Variants in NEO1 observed in about 807,000 individuals in gnomAD.
NEO1 encodes the protein neogenin 1.
NEO1 carries 63 observed loss-of-function variants against 159.7 expected under a neutral mutation model. The observed-to-expected ratio is 0.39, with a 90% CI of 0.32 to 0.49. NEO1 has a LOEUF of 0.49. NEO1 is among the 20% of genes least tolerant of loss of function. NEO1 has a pLI of 0.85. For missense variants in NEO1, 1,615 were observed against 1,831.0 expected, an observed-to-expected ratio of 0.88 and a Z score of 2.15; for synonymous variants, 633 against 662.0, an observed-to-expected ratio of 0.96 and a Z score of 0.67.
At chr15:73,134,818 A>G (rs766711101) in intron 4 of NEO1, among the ~76,000 whole-genome samples, 8 of 152,202 alleles carry the variant, frequency 5.3e-5, no homozygotes, top group Non-Finnish European at 7.4e-5. Flanking sequence ...AGGCCAGCCT[A>G]TAAGGAATTC....
rs1437625631 is a variant in NEO1 at position 73,249,620 on chromosome 15, G to A, written c.1793G>A (p.Gly598Glu). Residue 598 changes from glycine to glutamate, a missense_variant, in exon 11 of 29, where the codon GGG becomes GAG. Physicochemically the swap from Gly to Glu is moderately conservative, Grantham distance 98. Transcript: ENST00000261908. ...TCAAGTCACTCTTACACCATTAATG[G>A]GTTGAAAAAATATACAGAGTATAGT... ...DVSSHSYTIN[G>E]LKKYTEYSFR... The A allele has an allele frequency of 3.1e-6, 5 of 1,613,220 alleles. No homozygotes were observed. The highest frequency in any genetic ancestry group is 3.4e-6 in the Non-Finnish European group (4 of 1,179,710).
chr15:73,284,452 AT>A (rs2041859561), intron 23 of NEO1, among the ~76,000 whole-genome samples: 1 of 152,020 alleles, frequency 6.6e-6, no homozygotes, highest in East Asian at 1.9e-4. Context: ...AAGTTATGTG[AT>A]ATTTTAAATC....
At chr15:73,155,195 A>G (rs1210276921) in intron 5 of NEO1, among the ~76,000 whole-genome samples, 1 of 151,966 alleles carries the variant, frequency 6.6e-6, no homozygotes, top group East Asian at 1.9e-4. Flanking sequence ...TGGATATAAA[A>G]TTCTTGGCTG....
At position 73,270,080 on chromosome 15, in the gene NEO1, G is replaced by A; in HGVS notation, c.2565G>A (p.Met855Ile). The change falls in exon 17 of 29, where the codon ATG becomes ATA. Residue 855 changes from methionine to isoleucine, a missense_variant. By Grantham distance (10) the Met-to-Ile change is conservative (BLOSUM62 1). Coordinates refer to ENST00000261908, the MANE Select transcript of NEO1 (RefSeq NM_002499.4). The stretch of plus-strand genomic sequence containing the variant: ...CAGTGCCAGATCCCACTCCCATGAT[G>A]CCACCAGTGGGAGTTCAGGCTTCCA... ...YTPVPDPTPM[M>I]PPVGVQASIL... The A allele has an allele frequency of 1.9e-6, 3 of 1,614,068 alleles. No individual in the cohort carries two copies. Among genetic ancestry groups the A allele is most frequent in the East Asian group, 4.5e-5 (2 of 44,878 alleles).
chr15:73,299,885 T>C (rs1241685711), intron 27 of NEO1: 1 of 152,050 alleles, frequency 6.6e-6, no homozygotes, highest in Non-Finnish European at 1.5e-5. Context: ...AAGGGAAGAG[T>C]ATTTTTATAA....
Position 73,270,550 on chromosome 15 carries a change from A to G in NEO1, c.2857+96A>G, listed in dbSNP as rs1376483550. 7.5e-6 allele frequency: 10 copies of G among 1,342,050 alleles called. No individual in the cohort carries two copies. In the East Asian group the frequency reaches 2.0e-4, roughly 26 times the overall value. 83.1% of individuals were successfully genotyped at this position (1,342,050 alleles called of 1,614,324 possible). Reference sequence around the variant, plus strand: ...GACATATTTACAAAACACAGTGAGCAACTACATTTGGAATTCAGTGTTTGC... The same window carrying G: ...GACATATTTACAAAACACAGTGAGCGACTACATTTGGAATTCAGTGTTTGC... On this transcript the variant is annotated intron_variant, in intron 18 of 28. Transcript: ENST00000261908.
chr15:73,263,901 T>C (rs2151003893), intron 15 of NEO1, among the ~76,000 whole-genome samples: 3 of 152,328 alleles, frequency 2.0e-5, no homozygotes, highest in South Asian at 4.1e-4. Flanking sequence ...AATAAAAATG[T>C]CTGGCCAGGC....
At chr15:73,285,120 T>G (rs1044953202) in intron 23 of NEO1, among the ~76,000 whole-genome samples, 58 of 152,136 alleles carry the variant, frequency 3.8e-4, no homozygotes, top group Non-Finnish European at 1.8e-4. Context: ...GACTTCAAAT[T>G]CAAAGTAAAT....
intron 7 of NEO1, chr15:73,222,076 C>T (rs2150762832): frequency 6.6e-6 from 1 of 151,912 alleles, no homozygotes; most frequent in African/African-American, 2.5e-5. Flanking sequence ...ATCTTCACTC[C>T]TCCCCCTGTT....
At chr15:73,296,380 T>A (rs1336161999) in intron 26 of NEO1, among the ~76,000 whole-genome samples, 1 of 152,106 alleles carries the variant, frequency 6.6e-6, no homozygotes, top group African/African-American at 2.4e-5. Flanking sequence ...GATGGCTAGC[T>A]TGAGCAAGCC....
In NEO1 at chr15:73,258,778, G is replaced by T; in HGVS notation, c.2105G>T (p.Gly702Val). 6.2e-7 allele frequency: 1 copy of T among 1,613,760 alleles called. No homozygotes were observed. The highest frequency in any genetic ancestry group is 8.5e-7 in the Non-Finnish European group (1 of 1,179,760). ...LSQLIEGLDR[G>V]TEYNFRVAAL... is the part of the protein sequence containing the mutation. ...CATTTGGTCTCAGGTCTTGATCGGG[G>T]GACTGAGTATAATTTCCGAGTGGCT... Residue 702 changes from glycine to valine, a missense_variant, in exon 14 of 29, where the codon GGG becomes GTG. By Grantham distance (109) the Gly-to-Val change is moderately radical (BLOSUM62 -3). Around this residue, in one of 3 missense-constraint regions of NEO1, gnomAD observed 1,018 missense variants for 1,115.4 expected, o/e 0.91. Transcript: ENST00000261908.
intron 8 of NEO1, among the ~76,000 whole-genome samples, chr15:73,241,926 CAA>C (rs1356535672): frequency 6.6e-6 from 1 of 151,864 alleles, no homozygotes; most frequent in East Asian, 1.9e-4. Flanking sequence ...TAGAAGCAAA[CAA>C]AAAATATATA....
At position 73,244,400 on chromosome 15, in the gene NEO1, T is replaced by G; in HGVS notation, c.1508T>G (p.Leu503Arg). Residue 503 changes from leucine (L) to arginine (R), a missense_variant, in exon 9 of 29, where the codon CTA becomes CGA. Leu to Arg is a moderately radical substitution (Grantham distance 102). Transcript: ENST00000261908. ...PGEMQVTIQN[L>R]MPATVYIFRV... ...GAGATGCAAGTAACCATTCAAAACC[T>G]AATGCCAGCGACCGTGTACATCTTT... 1 of 1,614,026 alleles carries G rather than the reference T, an allele frequency of 6.2e-7. No homozygotes were observed. Among genetic ancestry groups the G allele is most frequent in the Non-Finnish European group, 8.5e-7 (1 of 1,179,952 alleles).
chr15:73,057,201 G>T (rs2067749676), intron 1 of NEO1, among the ~76,000 whole-genome samples: 2 of 152,086 alleles, frequency 1.3e-5, no homozygotes, highest in Non-Finnish European at 2.9e-5. Flanking sequence ...GTGTTTCTTT[G>T]TGAACTCTAA....
intron 1 of NEO1, among the ~76,000 whole-genome samples, chr15:73,076,632 A>G (rs1311374117): frequency 1.3e-5 from 2 of 152,078 alleles, no homozygotes; most frequent in East Asian, 3.9e-4. Flanking sequence ...ACTTCATTCT[A>G]AGTTTGTATT....
intron 27 of NEO1, 137 bp downstream of exon 27, chr15:73,298,748 C>T (rs1347550504): frequency 3.2e-6 from 4 of 1,252,734 alleles, no homozygotes; most frequent in Non-Finnish European, 4.4e-6. Flanking sequence ...ATTCTGTTAG[C>T]GTAGCAGTGT....
rs1432007821 is a variant in NEO1, at chr15:73,270,186, T to C, written c.2671T>C (p.Tyr891His). The change falls in exon 17 of 29, where the codon TAC (tyrosine) becomes CAC (histidine). Residue 891 changes from tyrosine (Y) to histidine (H), a missense_variant. Coordinates refer to ENST00000261908, the MANE Select transcript of NEO1 (RefSeq NM_002499.4). Reference sequence around the variant, plus strand: ...CCAGAAGATTACAGACTCCCGATACTACACCGTCCGATGGAAAACCAACAT... The same window carrying C: ...CCAGAAGATTACAGACTCCCGATACCACACCGTCCGATGGAAAACCAACAT... The part of the protein sequence containing the change: ...KHQKITDSRY[Y>H]TVRWKTNIPA... 1 of 1,614,158 alleles carries C rather than the reference T, an allele frequency of 6.2e-7. No homozygotes were observed. The highest frequency in any genetic ancestry group is 2.2e-5 in the East Asian group (1 of 44,878).
chr15:73,116,470 G>T (rs977901878), intron 1 of NEO1, 70 bp from the exon 2 acceptor site: 1 of 1,346,680 alleles, frequency 7.4e-7, no homozygotes, highest in Non-Finnish European at 9.9e-7. Context: ...GGACTTGTTA[G>T]TAATATATTT....
Position 73,196,917 on chromosome 15 carries a change from G to T in NEO1, c.1291+18490G>T, listed in dbSNP as rs183026575. Among the ~76,000 whole-genome samples the T allele has an allele frequency of 8.5e-5, 13 of 152,252 alleles. No homozygotes were observed. The East Asian group carries it at 2.5e-3, about 29-fold the overall frequency. On this transcript the variant is annotated intron_variant, in intron 7 of 28. Transcript: ENST00000261908. ...CTTTTTACGATCTCATGCGTGGTCA[G>T]TTTTTTTGGTGACAGTTCTATGGGT...
Sources: gnomAD v4.1 joint callset for allele counts (sites outside exome capture counted in the v4.1 genomes callset) on GRCh38, gnomAD v4.1.1 for gene constraint, gnomAD v4.1.1 regional missense constraint, MANE v1.5 for transcripts, NCBI Gene and HGNC (gene_info 2026-07-23, HGNC 2026-07-21) for gene names.